PDE4B: variants seen among roughly 807,000 people sequenced by gnomAD.
The protein encoded by PDE4B is 3',5'-cyclic-AMP phosphodiesterase 4B.
In PDE4B, 20 loss-of-function variants were observed where a neutral mutation model predicts 82.2. The ratio of observed to expected loss-of-function variants is 0.24; its 90% confidence interval spans 0.17 to 0.35. The LOEUF is 0.35. Among genes scored for constraint, PDE4B ranks in the 10% least tolerant of loss-of-function variants. PDE4B has a pLI of 1.00. For missense variants in PDE4B, 655 were observed against 907.2 expected (o/e 0.72, Z 3.57); for synonymous variants, 320 against 318.9 (o/e 1.00, Z -0.04).
chr1:66,187,975 G>A (rs1340062890), intron 3 of PDE4B, among the ~76,000 whole-genome samples: 1 of 148,842 alleles, frequency 6.7e-6, no homozygotes, highest in Non-Finnish European at 1.5e-5. Context: ...GGCATTTAGT[G>A]CTATAAATTT....
chr1:65,950,494 T>C (rs1376200467), intron 3 of PDE4B, among the ~76,000 whole-genome samples: 1 of 152,020 alleles, frequency 6.6e-6, no homozygotes, highest in Non-Finnish European at 1.5e-5. Context: ...TTATTGGGGA[T>C]GTGCTCAATA....
Position 66,247,506 on chromosome 1 carries a change from C to G in PDE4B, c.328C>G (p.Pro110Ala), listed in dbSNP as rs775006806. The change falls in exon 4 of 17, where the codon CCC becomes GCC. Residue 110 changes from proline (P) to alanine (A), a missense_variant. By Grantham distance (27) the Pro-to-Ala change is conservative (BLOSUM62 -1). Coordinates refer to ENST00000341517, the MANE Select transcript of PDE4B (RefSeq NM_002600.4). ...TTCCCCAGGTCGGAGTCCACTGGAT[C>G]CCCAGGCCAGCTCTTCCGCTGGGCT... is the stretch of plus-strand genomic sequence containing the variant. ...GPSPGRSPLD[P>A]QASSSAGLVL... 6.2e-7 allele frequency: 1 copy of G among 1,605,644 alleles called. No homozygotes were observed. Among genetic ancestry groups the G allele is most frequent in the South Asian group, 1.1e-5 (1 of 89,818 alleles).
chr1:65,826,201 T>C (rs1206834712), intron 1 of PDE4B, among the ~76,000 whole-genome samples: 1 of 152,212 alleles, frequency 6.6e-6, no homozygotes, highest in Admixed American at 6.5e-5. Flanking sequence ...TTGATACTTC[T>C]TGCAAAATAA....
At chr1:66,202,011 G>C (rs1649010596) in intron 3 of PDE4B, among the ~76,000 whole-genome samples, 1 of 152,200 alleles carries the variant, frequency 6.6e-6, no homozygotes, top group African/African-American at 2.4e-5. Flanking sequence ...TCTACACACT[G>C]CTTTGAATGT....
intron 3 of PDE4B, among the ~76,000 whole-genome samples, chr1:66,141,223 A>T (rs536791477): frequency 8.6e-5 from 13 of 151,448 alleles, no homozygotes; most frequent in Non-Finnish European, 2.9e-5. Flanking sequence ...TTACTAGGAC[A>T]CAGTACCCTG....
chr1:66,294,380 G>T lies in PDE4B; in HGVS notation c.634+28293G>T, dbSNP rs531974837. 5.9e-5 allele frequency among the ~76,000 whole-genome samples: 9 copies of T among 152,254 alleles called. No homozygotes were observed. In the East Asian group the frequency reaches 1.7e-3, roughly 29 times the overall value. On this transcript the variant is annotated intron_variant, in intron 7 of 16. Transcript: ENST00000341517. ...TCTGATTGTTTATTCATGGACATAT[G>T]TATGTGCTGACCCACAAAACACAAT...
At chr1:66,173,046 T>C (rs906062124) in intron 3 of PDE4B, among the ~76,000 whole-genome samples, 12 of 152,212 alleles carry the variant, frequency 7.9e-5, no homozygotes, top group African/African-American at 2.7e-4. Flanking sequence ...TATTGGTGTG[T>C]ATACAGTCTT....
At chr1:65,816,090 T>C (rs1645879780) in intron 1 of PDE4B, among the ~76,000 whole-genome samples, 1 of 152,078 alleles carries the variant, frequency 6.6e-6, no homozygotes, top group Non-Finnish European at 1.5e-5. Flanking sequence ...CCAAGTGTTA[T>C]CAAAAGTCAA....
chr1:66,247,242 T>C (rs1207746571), intron 3 of PDE4B, among the ~76,000 whole-genome samples: 1 of 152,182 alleles, frequency 6.6e-6, no homozygotes, highest in African/African-American at 2.4e-5. Context: ...CATGGGTAAA[T>C]AACTGAACTT....
chr1:65,818,562 A>G (rs1281452689), intron 1 of PDE4B, among the ~76,000 whole-genome samples: 1 of 151,712 alleles, frequency 6.6e-6, no homozygotes, highest in Non-Finnish European at 1.5e-5. Context: ...CTTCTGTATA[A>G]ATATTAGGAG....
At chr1:66,152,324 T>G (rs1646413369) in intron 3 of PDE4B, 1 of 169,030 alleles carries the variant, frequency 5.9e-6, no homozygotes. Flanking sequence ...TATGGAAAAC[T>G]CAGGAGCATT....
intron 3 of PDE4B, among the ~76,000 whole-genome samples, chr1:66,039,876 A>G (rs998441328): frequency 1.3e-5 from 2 of 152,042 alleles, no homozygotes; most frequent in Non-Finnish European, 2.9e-5. Flanking sequence ...AGTTGTATAT[A>G]GGCATAAATG....
At chr1:66,059,765 G>C (rs1655487708) in intron 3 of PDE4B, among the ~76,000 whole-genome samples, 1 of 152,090 alleles carries the variant, frequency 6.6e-6, no homozygotes, top group Non-Finnish European at 1.5e-5. Context: ...ATTTGGGTGA[G>C]GACACAGAGC....
intron 3 of PDE4B, among the ~76,000 whole-genome samples, chr1:66,154,175 G>A (rs983618729): frequency 6.6e-6 from 1 of 152,142 alleles, no homozygotes; most frequent in African/African-American, 2.4e-5. Flanking sequence ...TGTTACAGCA[G>A]AGATGTTTTA....
intron 7 of PDE4B, among the ~76,000 whole-genome samples, chr1:66,294,067 G>A (rs916323806): frequency 1.1e-4 from 16 of 152,126 alleles, no homozygotes; most frequent in Non-Finnish European, 2.2e-4. Flanking sequence ...TTAGCCAGGT[G>A]TGGTGGCAGG....
intron 1 of PDE4B, among the ~76,000 whole-genome samples, chr1:65,797,262 T>C (rs1018794901): frequency 1.3e-5 from 2 of 152,204 alleles, no homozygotes; most frequent in African/African-American, 4.8e-5. Flanking sequence ...CCAACATTTT[T>C]AGAATAAATG....
At chr1:66,071,400 C>T (rs531942797) in intron 3 of PDE4B, among the ~76,000 whole-genome samples, 1 of 152,164 alleles carries the variant, frequency 6.6e-6, no homozygotes, top group African/African-American at 2.4e-5. Flanking sequence ...ATTGATAAAG[C>T]AGAATATTAA....
At chr1:66,155,614 T>C (rs529636852) in intron 3 of PDE4B, among the ~76,000 whole-genome samples, 1 of 151,372 alleles carries the variant, frequency 6.6e-6, no homozygotes, top group East Asian at 1.9e-4. Context: ...TACATATTTA[T>C]ATATACATGT....
At chr1:65,853,195 AG>A (rs1263520767) in intron 1 of PDE4B, among the ~76,000 whole-genome samples, 1 of 152,102 alleles carries the variant, frequency 6.6e-6, no homozygotes, top group Non-Finnish European at 1.5e-5. Flanking sequence ...TGTTAAAAAC[AG>A]TATTCTTATG....
Sources: allele counts gnomAD v4.1 joint callset (sites outside exome capture counted in the v4.1 genomes callset), GRCh38; gene constraint gnomAD v4.1.1; transcripts MANE v1.5; gene names NCBI Gene and HGNC (gene_info 2026-07-23, HGNC 2026-07-21).